Variants in SLC12A9 observed in about 807,000 individuals in gnomAD.
SLC12A9 encodes the protein solute carrier family 12 member 9.
In SLC12A9, 55 loss-of-function variants were observed where a neutral mutation model predicts 66.0. The ratio of observed to expected loss-of-function variants is 0.83; its 90% CI spans 0.67 to 1.04. SLC12A9 has a LOEUF of 1.04. Among genes scored for constraint, SLC12A9 ranks in the 50% least tolerant of loss-of-function variants. SLC12A9 has a pLI of 0.00. For missense variants in SLC12A9, 1,061 were observed against 1,241.9 expected (o/e 0.85, Z 2.19); for synonymous variants, 577 against 569.0 (o/e 1.01, Z -0.20).
rs774196973 is a variant in SLC12A9, at chr7:100,854,658, G to A, written c.220G>A (p.Ala74Thr). 1.2e-6 allele frequency: 2 copies of A among 1,614,096 alleles called. No individual in the cohort carries two copies. ...TCATGCTGGGCTACTGCAGGCCCTG[G>A]CCATGCTGCTGGTTGCCTACTTCAT... ...VGHAGLLQAL[A>T]MLLVAYFILA... is the part of the protein sequence containing the mutation. The change falls in exon 3 of 14, where the codon GCC (alanine) becomes ACC (threonine). Residue 74 changes from alanine (A) to threonine (T), a missense_variant. Transcript: ENST00000354161.
chr7:100,863,062 C>CTTTT (rs759001347), intron 13 of SLC12A9, among the ~76,000 whole-genome samples: 4 of 136,516 alleles, frequency 2.9e-5, no homozygotes, highest in Non-Finnish European at 4.8e-5. Context: ...TTTCCTTCTT[C>CTTTT]TTTTTTTTTT....
At position 100,861,434 on chromosome 7, in the gene SLC12A9, G is replaced by A. The variant is rs749555279; in HGVS notation, c.1386G>A (p.Gly462=). 6.2e-6 allele frequency: 10 copies of A among 1,613,616 alleles called. No homozygotes were observed. In the African/African-American group the frequency reaches 1.1e-4, roughly 17 times the overall value. Residue 462 remains glycine (G), a synonymous_variant, in exon 11 of 14, where the codon GGG becomes GGA. Transcript: ENST00000354161. This position sits in a 1 kb window ranked among gnomAD's most constrained non-coding sequence, Gnocchi z 5.3. ...TCTCCTGGCACACCTGCCTGCTGGG[G>A]GTGGCCTCCTGCCTGCTCATGATGT... ...SLFSWHTCLL[G]VASCLLMMFL... is the part of the protein sequence containing the mutation.
intron 1 of SLC12A9, 48 bp from the exon 2 acceptor site, chr7:100,854,108 G>A: frequency 8.1e-7 from 1 of 1,241,844 alleles, no homozygotes; most frequent in Non-Finnish European, 1.1e-6. Flanking sequence ...TTTGGGGGTG[G>A]GCGAGCTCTG....
At chr7:100,856,601 G>T in intron 4 of SLC12A9, 1 of 418,112 alleles carries the variant, frequency 2.4e-6, no homozygotes, top group Non-Finnish European at 4.3e-6. Flanking sequence ...TGCAACTTCT[G>T]CCTCCCGGGC....
chr7:100,841,671 C>T (rs1482982495), intron 1 of SLC12A9, among the ~76,000 whole-genome samples: 4 of 151,922 alleles, frequency 2.6e-5, no homozygotes, highest in Non-Finnish European at 1.5e-5. Context: ...ATAAATATGT[C>T]TATAAAGTTT....
intron 3 of SLC12A9, chr7:100,855,346 T>G (rs961224875): frequency 1.4e-5 from 4 of 280,918 alleles, no homozygotes; most frequent in Non-Finnish European, 2.8e-5. Flanking sequence ...GGTCTTGAAT[T>G]CCTGGCCTCA....
intron 3 of SLC12A9, among the ~76,000 whole-genome samples, chr7:100,855,098 A>C (rs1262536531): frequency 6.6e-6 from 1 of 152,068 alleles, no homozygotes; most frequent in Non-Finnish European, 1.5e-5. Flanking sequence ...TGGGAGGTGG[A>C]GGTTGCAGCG....
chr7:100,833,485 A>G (rs1462403952), intron 1 of SLC12A9, among the ~76,000 whole-genome samples: 1 of 151,440 alleles, frequency 6.6e-6, no homozygotes, highest in Admixed American at 6.6e-5. Flanking sequence ...AAGCAAAACA[A>G]AACAAAAAGC....
rs1350035376 is a variant in SLC12A9, at chr7:100,861,964, T to C, written c.1711+53T>C. ...ACTCCCATCCTTCTCTCCCCCTACCTTTTTTTTTTTTTTGAGATGGAGCTT... is the reference window on the plus strand; with the variant it reads ...ACTCCCATCCTTCTCTCCCCCTACCCTTTTTTTTTTTTTGAGATGGAGCTT... On this transcript the variant is annotated intron_variant, in intron 12 of 13. Coordinates refer to ENST00000354161, the MANE Select transcript of SLC12A9 (RefSeq NM_020246.4). The surrounding 1 kb of genome is among the most constrained non-coding windows in gnomAD (Gnocchi z 5.3). The C allele has an allele frequency of 2.3e-5, 7 of 299,910 alleles. No individual in the cohort carries two copies. The highest frequency in any genetic ancestry group is 2.5e-4 in the East Asian group (2 of 8,036). 18.6% of individuals were successfully genotyped at this position (299,910 alleles called of 1,614,324 possible).
intron 1 of SLC12A9, among the ~76,000 whole-genome samples, chr7:100,829,658 C>G (rs541225371): frequency 6.6e-6 from 1 of 152,180 alleles, no homozygotes; most frequent in African/African-American, 2.4e-5. Flanking sequence ...CCTCGGGGTT[C>G]TCTGCAACCC....
intron 1 of SLC12A9, among the ~76,000 whole-genome samples, chr7:100,831,038 C>T (rs1043713772): frequency 6.6e-6 from 1 of 152,218 alleles, no homozygotes; most frequent in Non-Finnish European, 1.5e-5. Flanking sequence ...TATTAGAGCA[C>T]TTTGCTGTTC....
chr7:100,846,984 C>T (rs1273275765), intron 1 of SLC12A9, among the ~76,000 whole-genome samples: 3 of 152,070 alleles, frequency 2.0e-5, no homozygotes, highest in Non-Finnish European at 2.9e-5. Flanking sequence ...CCCCCAGTCA[C>T]GTACCCCCTG....
chr7:100,866,024 C>T lies in SLC12A9; in HGVS notation c.2164C>T (p.His722Tyr). 6.2e-7 allele frequency: 1 copy of T among 1,612,794 alleles called. No individual in the cohort carries two copies. The highest frequency in any genetic ancestry group is 8.5e-7 in the Non-Finnish European group (1 of 1,179,846). ...GGGGTCTGGGGGCACCTCTCAGCTGCACCATGTGGACGTGTGGCCCCTCAA... is the reference window on the plus strand; with the variant it reads ...GGGGTCTGGGGGCACCTCTCAGCTGTACCATGTGGACGTGTGGCCCCTCAA... ...SRGSGGTSQL[H>Y]HVDVWPLNLL... Residue 722 changes from histidine to tyrosine, a missense_variant, in exon 14 of 14, where the codon CAC (histidine) becomes TAC (tyrosine). Transcript: ENST00000354161. This position sits in a 1 kb window ranked among gnomAD's most constrained non-coding sequence, Gnocchi z 7.3.
At chr7:100,862,337 C>T (rs1389512289) in intron 12 of SLC12A9, among the ~76,000 whole-genome samples, 2 of 152,148 alleles carry the variant, frequency 1.3e-5, no homozygotes, top group African/African-American at 4.8e-5. Flanking sequence ...TAGTTCACTG[C>T]AGCCTCAACC....
intron 13 of SLC12A9, among the ~76,000 whole-genome samples, chr7:100,864,344 G>A (rs1166814651): frequency 6.6e-6 from 1 of 152,142 alleles, no homozygotes; most frequent in African/African-American, 2.4e-5. Flanking sequence ...GCCTCCCAAA[G>A]TGCTGGGATG....
At position 100,862,993 on chromosome 7, in the gene SLC12A9, T is replaced by A. The variant is rs1814852657; in HGVS notation, c.1858+166T>A. On this transcript the variant is annotated intron_variant, in intron 13 of 13. Coordinates refer to ENST00000354161, the MANE Select transcript of SLC12A9 (RefSeq NM_020246.4). ...GATAATAGCCTCAGACAGTGTGTGA[T>A]AAGGTCTAATAGGAGATGCTAGGGA... Among the ~76,000 whole-genome samples, 3 of 151,932 alleles carry A rather than the reference T, an allele frequency of 2.0e-5. No individual in the cohort carries two copies. The East Asian group carries it at 5.8e-4, about 29-fold the overall frequency.
chr7:100,854,239 G>A lies in SLC12A9; in HGVS notation c.42G>A (p.Leu14=), dbSNP rs926481604. 3 of 1,576,940 alleles carry A rather than the reference G, an allele frequency of 1.9e-6. No individual in the cohort carries two copies. The change falls in exon 2 of 14, where the codon CTG becomes CTA. Residue 14 remains leucine (L), a synonymous_variant. Coordinates refer to ENST00000354161, the MANE Select transcript of SLC12A9 (RefSeq NM_020246.4). The part of the protein sequence containing the change: ...ESSPLLAYRL[L]GEEGVALPAN... ...CACCTCTGCTGGCCTACCGGCTCCTGGGGGAGGAGGGGGTTGCCCTCCCTG... is the reference window on the plus strand; with the variant it reads ...CACCTCTGCTGGCCTACCGGCTCCTAGGGGAGGAGGGGGTTGCCCTCCCTG...
At chr7:100,836,678 C>A (rs1813665405) in intron 1 of SLC12A9, among the ~76,000 whole-genome samples, 1 of 152,156 alleles carries the variant, frequency 6.6e-6, no homozygotes, top group Non-Finnish European at 1.5e-5. Context: ...CGTTTTGCCC[C>A]ATCAGCTGTT....
chr7:100,827,893 G>A (rs1472816243), intron 1 of SLC12A9, among the ~76,000 whole-genome samples: 2 of 152,246 alleles, frequency 1.3e-5, no homozygotes, highest in Admixed American at 1.3e-4. Context: ...GGGCCGCCCA[G>A]GCGTGCACGT....
Sources: gnomAD v4.1 joint callset for allele counts (sites outside exome capture counted in the v4.1 genomes callset) on GRCh38, gnomAD v4.1.1 for gene constraint, Gnocchi (gnomAD v3.1) non-coding constraint, MANE v1.5 for transcripts, NCBI Gene and HGNC (gene_info 2026-07-23, HGNC 2026-07-21) for gene names.